Variants in BAZ1B observed in about 807,000 individuals in gnomAD.
The protein encoded by BAZ1B is tyrosine-protein kinase BAZ1B.
BAZ1B carries 22 observed loss-of-function variants against 153.8 expected under a neutral mutation model. That is an observed-to-expected ratio of 0.14 (90% CI 0.10 to 0.20). The LOEUF (loss-of-function observed/expected upper bound fraction) is 0.20, where lower values mean the gene tolerates loss of function less well. BAZ1B is among the 10% of genes least tolerant of loss of function. The pLI, the probability that BAZ1B is intolerant of heterozygous loss-of-function variation, is 1.00. For synonymous variants in BAZ1B, 676 were observed against 633.4 expected, an observed-to-expected ratio of 1.07 and a Z score of -1.01; for missense variants, 1,325 against 1,799.3, an observed-to-expected ratio of 0.74 and a Z score of 4.77.
At chr7:73,476,167 TG>T (rs1788991326) in intron 7 of BAZ1B, among the ~76,000 whole-genome samples, 1 of 152,066 alleles carries the variant, frequency 6.6e-6, no homozygotes, top group Admixed American at 6.5e-5. Context: ...GATGGGCGAA[TG>T]GGGTAATGAC....
Position 73,455,314 on chromosome 7 carries a change from G to A in BAZ1B, c.3432+4222C>T, listed in dbSNP as rs781881484. Among the ~76,000 whole-genome samples the A allele has an allele frequency of 2.6e-4, 40 of 152,224 alleles. No homozygotes were observed. In the Middle Eastern group the frequency reaches 0.01, roughly 39 times the overall value. Reference sequence around the variant, plus strand: ...GCAGGGAGAGGCAAATCTAAAATTAGGGACAATATTCTGCACTAAATAATG... The same window carrying A: ...GCAGGGAGAGGCAAATCTAAAATTAAGGACAATATTCTGCACTAAATAATG... On this transcript the variant is annotated intron_variant, in intron 13 of 19. Transcript: ENST00000339594.
At chr7:73,482,322 G>C (rs80309160) in intron 6 of BAZ1B, among the ~76,000 whole-genome samples, 3,166 of 152,252 alleles carry the variant, frequency 0.021, 45 homozygotes, top group Non-Finnish European at 0.031. Context: ...ATATGGCAGA[G>C]ACCATCCAAA....
chr7:73,469,400 C>A (rs1788712314), intron 9 of BAZ1B, 117 bp downstream of exon 9: 2 of 1,328,808 alleles, frequency 1.5e-6, no homozygotes, highest in African/African-American at 1.5e-5. Flanking sequence ...TCAAATAGAT[C>A]TAAGACCACA....
intron 16 of BAZ1B, among the ~76,000 whole-genome samples, chr7:73,445,085 C>T (rs1266801549): frequency 6.6e-6 from 1 of 152,054 alleles, no homozygotes; most frequent in Non-Finnish European, 1.5e-5. Flanking sequence ...AGGTTTACAA[C>T]AGGTGCTCAC....
At chr7:73,479,443 G>C (rs1789116995) in intron 6 of BAZ1B, among the ~76,000 whole-genome samples, 1 of 150,644 alleles carries the variant, frequency 6.6e-6, no homozygotes, top group Non-Finnish European at 1.5e-5. Context: ...GGGAGGAGGA[G>C]GGTGCAGTGA....
rs1787956227 is a variant in BAZ1B at position 73,449,538 on chromosome 7, T to A, written c.3728+4A>T. On this transcript the variant is annotated splice_donor_region_variant and intron_variant, in intron 15 of 19. Transcript: ENST00000339594. ...CAATTATTTTTAAAAGAAAAGATTC[T>A]CACCTGCCACGGGAGTTGCGCCTGG... The A allele has an allele frequency of 6.2e-7, 1 of 1,602,542 alleles. No homozygotes were observed. Among genetic ancestry groups the A allele is most frequent in the Non-Finnish European group, 8.5e-7 (1 of 1,176,756 alleles).
chr7:73,463,150 G>C, intron 11 of BAZ1B, 51 bp from the exon 12 acceptor site: 1 of 1,454,626 alleles, frequency 6.9e-7, no homozygotes, highest in Middle Eastern at 1.8e-4. Context: ...TTTTGAAGAT[G>C]TTCTTCAAAT....
At chr7:73,464,171 T>C (rs2116291072) in intron 11 of BAZ1B, 1 of 984,918 alleles carries the variant, frequency 1.0e-6, no homozygotes, top group East Asian at 1.1e-4. Context: ...TACTGAATCA[T>C]ATTTTCCTTC....
chr7:73,456,911 C>T (rs1376168187), intron 13 of BAZ1B, among the ~76,000 whole-genome samples: 7 of 125,376 alleles, frequency 5.6e-5, no homozygotes, highest in African/African-American at 1.8e-4. Context: ...CACTGTACTC[C>T]GGCCTCGGCG....
intron 16 of BAZ1B, among the ~76,000 whole-genome samples, chr7:73,446,812 C>A (rs1292832407): frequency 6.6e-6 from 1 of 152,176 alleles, no homozygotes; most frequent in Non-Finnish European, 1.5e-5. Context: ...ACCAGCAAAG[C>A]TATAACCCTG....
At chr7:73,457,989 T>A (rs1554569779) in intron 13 of BAZ1B, among the ~76,000 whole-genome samples, 1 of 152,196 alleles carries the variant, frequency 6.6e-6, no homozygotes, top group African/African-American at 2.4e-5. Flanking sequence ...TCCTTCAAAA[T>A]GACCCGGTTA....
intron 1 of BAZ1B, among the ~76,000 whole-genome samples, chr7:73,519,514 A>C (rs1790944328): frequency 6.6e-6 from 1 of 152,178 alleles, no homozygotes; most frequent in Non-Finnish European, 1.5e-5. Flanking sequence ...TTTTGTTAAA[A>C]CAGTTTTAAA....
chr7:73,451,117 T>A, intron 13 of BAZ1B, 123 bp from the exon 14 acceptor site: 1 of 1,237,562 alleles, frequency 8.1e-7, no homozygotes, highest in Non-Finnish European at 1.1e-6. Flanking sequence ...TTCACTAATC[T>A]AAACCATTTA....
intron 3 of BAZ1B, among the ~76,000 whole-genome samples, chr7:73,508,012 C>T (rs1164973470): frequency 1.3e-5 from 2 of 151,928 alleles, no homozygotes; most frequent in South Asian, 2.1e-4. Flanking sequence ...AAAAACTAGC[C>T]GGGCGTGGTG....
At position 73,451,555 on chromosome 7, in the gene BAZ1B, C is replaced by G. The variant is rs1439083226; in HGVS notation, c.3433-561G>C. ...AGACTGGGGAGAGGGATGAGGGGAACAGGGCTGCTTTTTCTCTTTCCTATA... is the reference window on the plus strand; with the variant it reads ...AGACTGGGGAGAGGGATGAGGGGAAGAGGGCTGCTTTTTCTCTTTCCTATA... On this transcript the variant is annotated intron_variant, in intron 13 of 19. Coordinates refer to ENST00000339594, the MANE Select transcript of BAZ1B (RefSeq NM_032408.4). 4.6e-5 allele frequency among the ~76,000 whole-genome samples: 7 copies of G among 152,180 alleles called. No individual in the cohort carries two copies. The East Asian group carries it at 1.3e-3, about 29-fold the overall frequency.
At chr7:73,451,638 T>A (rs1249767393) in intron 13 of BAZ1B, among the ~76,000 whole-genome samples, 1 of 152,168 alleles carries the variant, frequency 6.6e-6, no homozygotes, top group African/African-American at 2.4e-5. Context: ...CAAGGATAAG[T>A]AATATAAACA....
At chr7:73,475,923 CAAAAAAA>C (rs34851345) in intron 7 of BAZ1B, among the ~76,000 whole-genome samples, 2 of 113,992 alleles carry the variant, frequency 1.8e-5, no homozygotes, top group Non-Finnish European at 3.5e-5. Context: ...GACTCCATCT[CAAAAAAA>C]AAAAAAAAAA....
intron 6 of BAZ1B, among the ~76,000 whole-genome samples, chr7:73,485,685 G>C (rs1356849355): frequency 2.0e-5 from 3 of 151,386 alleles, no homozygotes; most frequent in Admixed American, 2.0e-4. Context: ...GTTAACATCT[G>C]AGGAAATCTA....
intron 7 of BAZ1B, among the ~76,000 whole-genome samples, chr7:73,474,507 G>T (rs1274756493): frequency 6.6e-6 from 1 of 152,356 alleles, no homozygotes; most frequent in East Asian, 1.9e-4. Context: ...AGGTGCAGTG[G>T]CTCACAGCTG....
Sources: allele counts gnomAD v4.1 joint callset (sites outside exome capture counted in the v4.1 genomes callset), GRCh38; gene constraint gnomAD v4.1.1; transcripts MANE v1.5; gene names NCBI Gene and HGNC (gene_info 2026-07-23, HGNC 2026-07-21).